Variants in TOX observed in about 807,000 individuals in gnomAD.
The protein encoded by TOX is thymocyte selection associated high mobility group box.
Under a neutral mutation model 53.7 loss-of-function variants are expected in TOX, and 11 were observed. That is an observed-to-expected ratio of 0.20 (90% CI 0.13 to 0.34). TOX has a LOEUF of 0.34. TOX is among the 10% of genes least tolerant of loss of function. TOX has a pLI of 1.00. For missense variants in TOX, 570 were observed against 664.6 expected, an observed-to-expected ratio of 0.86 and a Z score of 1.56; for synonymous variants, 225 against 245.3, an observed-to-expected ratio of 0.92 and a Z score of 0.77.
chr8:59,102,806 A>G (rs566519209), intron 1 of TOX, among the ~76,000 whole-genome samples: 2 of 152,300 alleles, frequency 1.3e-5, no homozygotes, highest in South Asian at 2.1e-4. Context: ...AAGGGAGGAA[A>G]GAAGGAAGTA....
intron 1 of TOX, among the ~76,000 whole-genome samples, chr8:59,008,192 T>A (rs774525380): frequency 2.0e-5 from 3 of 152,232 alleles, no homozygotes; most frequent in African/African-American, 4.8e-5. Flanking sequence ...CCAAATGATC[T>A]GTGTGTTTGC....
At chr8:58,956,542 TTG>T (rs1016959855) in intron 2 of TOX, among the ~76,000 whole-genome samples, 1 of 152,118 alleles carries the variant, frequency 6.6e-6, no homozygotes, top group Non-Finnish European at 1.5e-5. Context: ...GTTACCTATT[TTG>T]TGTGTGTGTG....
chr8:58,851,079 C>A lies in TOX; in HGVS notation c.693+445G>T, dbSNP rs939861618. Among the ~76,000 whole-genome samples the A allele has an allele frequency of 3.3e-5, 5 of 151,886 alleles. No individual in the cohort carries two copies. The highest frequency in any genetic ancestry group is 9.7e-5 in the African/African-American group (4 of 41,310). ...TATCCCTGGCACTTACTTTCCACGTCCTCAATATGAAATGGTTGGGTCAGG... is the reference window on the plus strand; with the variant it reads ...TATCCCTGGCACTTACTTTCCACGTACTCAATATGAAATGGTTGGGTCAGG... On this transcript the variant is annotated intron_variant, in intron 4 of 8. Coordinates refer to ENST00000361421, the MANE Select transcript of TOX (RefSeq NM_014729.3). This position sits in a 1 kb window ranked among gnomAD's most constrained non-coding sequence, Gnocchi z 4.4.
At chr8:58,938,042 C>A (rs1347806649) in intron 3 of TOX, among the ~76,000 whole-genome samples, 1 of 130,070 alleles carries the variant, frequency 7.7e-6, no homozygotes, top group Admixed American at 8.1e-5. Flanking sequence ...AATCTAAAAA[C>A]CTGAGTGATG....
chr8:58,931,038 T>C (rs1415296999), intron 3 of TOX, among the ~76,000 whole-genome samples: 1 of 152,186 alleles, frequency 6.6e-6, no homozygotes, highest in Non-Finnish European at 1.5e-5. Context: ...TTAAGAGCAA[T>C]ACCACAATGG....
intron 3 of TOX, among the ~76,000 whole-genome samples, chr8:58,867,589 ACT>A (rs1811125636): frequency 6.6e-6 from 1 of 152,106 alleles, no homozygotes; most frequent in African/African-American, 2.4e-5. Flanking sequence ...CTAGGGTAAG[ACT>A]CTGCAAACTC....
chr8:58,849,333 T>C (rs929528703), intron 4 of TOX, among the ~76,000 whole-genome samples: 6 of 152,250 alleles, frequency 3.9e-5, no homozygotes, highest in Middle Eastern at 3.4e-3. Context: ...CCCTAAACTT[T>C]CCTGCATTGA....
intron 1 of TOX, among the ~76,000 whole-genome samples, chr8:58,963,875 C>T (rs563786024): frequency 1.3e-5 from 2 of 152,104 alleles, no homozygotes; most frequent in Non-Finnish European, 2.9e-5. Flanking sequence ...AATAGGTCTT[C>T]GGAAATGTTT....
At position 58,851,449 on chromosome 8, in the gene TOX, A is replaced by G; in HGVS notation, c.693+75T>C. ...AATGTTTCTCGCATGGATGATATAAACTTGTACCCAGCACAGGTCAAAGAA... is the reference window on the plus strand; with the variant it reads ...AATGTTTCTCGCATGGATGATATAAGCTTGTACCCAGCACAGGTCAAAGAA... On this transcript the variant is annotated intron_variant, in intron 4 of 8. Transcript: ENST00000361421. The surrounding 1 kb of genome is among the most constrained non-coding windows in gnomAD (Gnocchi z 4.4). 1.3e-6 allele frequency: 2 copies of G among 1,523,154 alleles called. No individual in the cohort carries two copies. The highest frequency in any genetic ancestry group is 1.8e-6 in the Non-Finnish European group (2 of 1,115,346). The allele number at this position is 1,523,154 out of a possible 1,614,324, so 94.4% of individuals were successfully genotyped here. A position where few individuals can be genotyped will look rare whatever the true frequency, so the allele number is the denominator to read the frequency against.
intron 3 of TOX, 124 bp downstream of exon 3, chr8:58,939,178 T>C (rs894728160): frequency 8.0e-7 from 1 of 1,246,030 alleles, no homozygotes; most frequent in Non-Finnish European, 1.1e-6. Context: ...TATAAATAAC[T>C]GTCTCCACAG....
At chr8:59,113,276 C>A (rs1359148115) in intron 1 of TOX, among the ~76,000 whole-genome samples, 1 of 152,160 alleles carries the variant, frequency 6.6e-6, no homozygotes, top group African/African-American at 2.4e-5. Context: ...GCTCTAAATA[C>A]ACTGCATAAA....
rs1331948109 is a variant in TOX, at chr8:59,057,359, A to T, written c.102+61527T>A. Among the ~76,000 whole-genome samples, 3 of 152,194 alleles carry T rather than the reference A, an allele frequency of 2.0e-5. No individual in the cohort carries two copies. In the East Asian group the frequency reaches 5.8e-4, roughly 29 times the overall value. ...CCCTTTACAAGTATTATTTGCATAC[A>T]AGCAGAGGCAAAGTGTCATAATACA... On this transcript the variant is annotated intron_variant, in intron 1 of 8. Coordinates refer to ENST00000361421, the MANE Select transcript of TOX (RefSeq NM_014729.3).
chr8:59,037,779 G>A (rs1803496091), intron 1 of TOX, among the ~76,000 whole-genome samples: 1 of 138,518 alleles, frequency 7.2e-6, no homozygotes. Flanking sequence ...TCCAGCCTGG[G>A]CAACAGAGCG....
intron 1 of TOX, among the ~76,000 whole-genome samples, chr8:59,054,980 G>T (rs562602335): frequency 2.3e-5 from 3 of 129,964 alleles, no homozygotes; most frequent in South Asian, 2.3e-4. Context: ...AAGGGACGGA[G>T]GGAGGGAGGG....
At chr8:58,850,604 A>G (rs780033100) in intron 4 of TOX, among the ~76,000 whole-genome samples, 2 of 152,168 alleles carry the variant, frequency 1.3e-5, no homozygotes, top group African/African-American at 2.4e-5. Context: ...GCTTGTTTAT[A>G]GAAAGGGGGC....
chr8:58,943,082 C>G (rs1812468384), intron 2 of TOX, among the ~76,000 whole-genome samples: 2 of 152,156 alleles, frequency 1.3e-5, no homozygotes, highest in African/African-American at 4.8e-5. Context: ...CAAAAGTGAC[C>G]AATATAATTC....
intron 3 of TOX, among the ~76,000 whole-genome samples, chr8:58,887,727 G>T (rs994254735): frequency 6.6e-6 from 1 of 151,760 alleles, no homozygotes; most frequent in East Asian, 1.9e-4. Flanking sequence ...GCTCTTTAAG[G>T]TCTTTCTTCT....
intron 1 of TOX, among the ~76,000 whole-genome samples, chr8:59,002,951 G>T (rs533851957): frequency 1.2e-4 from 18 of 152,134 alleles, no homozygotes; most frequent in Non-Finnish European, 8.8e-5. Flanking sequence ...CTGGTGAAGG[G>T]AATTCCATTT....
chr8:58,968,701 T>C (rs369432653), intron 1 of TOX, among the ~76,000 whole-genome samples: 1 of 152,202 alleles, frequency 6.6e-6, no homozygotes, highest in African/African-American at 2.4e-5. Context: ...TTTTTCAGTA[T>C]CTGATAGATG....
Sources: gnomAD v4.1 joint callset for allele counts (sites outside exome capture counted in the v4.1 genomes callset) on GRCh38, gnomAD v4.1.1 for gene constraint, Gnocchi (gnomAD v3.1) non-coding constraint, MANE v1.5 for transcripts, NCBI Gene and HGNC (gene_info 2026-07-23, HGNC 2026-07-21) for gene names.